Variants in NR3C1 observed in about 807,000 individuals in gnomAD.
The protein encoded by NR3C1 is glucocorticoid receptor.
In NR3C1, 14 loss-of-function variants were observed where a neutral mutation model predicts 74.0. That is an observed-to-expected ratio of 0.19 (90% CI 0.12 to 0.30). The LOEUF is 0.30. Ranked by LOEUF, NR3C1 falls within the 10% of genes least tolerant of loss-of-function variation. The pLI is 1.00. For synonymous variants in NR3C1, 308 were observed against 332.5 expected (o/e 0.93, Z 0.80); for missense variants, 695 against 909.8 (o/e 0.76, Z 3.04).
At chr5:143,408,881 T>G (rs1413169809) in intron 1 of NR3C1, 2 of 152,226 alleles carry the variant, frequency 1.3e-5, no homozygotes, top group African/African-American at 4.8e-5. Context: ...CACACCAGTC[T>G]TTTAAAATTG....
At chr5:143,387,503 T>C (rs917576258) in intron 2 of NR3C1, among the ~76,000 whole-genome samples, 3 of 152,210 alleles carry the variant, frequency 2.0e-5, no homozygotes, top group Non-Finnish European at 4.4e-5. Flanking sequence ...TGTTGTCTCC[T>C]AATTCTTCAG....
chr5:143,317,840 C>A (rs896802643), intron 2 of NR3C1, among the ~76,000 whole-genome samples: 1 of 152,116 alleles, frequency 6.6e-6, no homozygotes, highest in Non-Finnish European at 1.5e-5. Context: ...GATCCAGTAT[C>A]ATGCTACAAA....
intron 1 of NR3C1, among the ~76,000 whole-genome samples, chr5:143,427,984 T>A (rs1289480453): frequency 6.6e-6 from 1 of 152,250 alleles, no homozygotes; most frequent in Non-Finnish European, 1.5e-5. Flanking sequence ...CTAATATAAG[T>A]ATGTCTATGA....
At chr5:143,414,523 G>A (rs914857003) in intron 1 of NR3C1, among the ~76,000 whole-genome samples, 1 of 152,154 alleles carries the variant, frequency 6.6e-6, no homozygotes, top group Non-Finnish European at 1.5e-5. Context: ...ATGATGTCCA[G>A]CATATTTTTA....
chr5:143,334,001 T>C (rs183794523), intron 2 of NR3C1, among the ~76,000 whole-genome samples: 9 of 152,344 alleles, frequency 5.9e-5, no homozygotes, highest in African/African-American at 2.2e-4. Flanking sequence ...GCATGCGTTT[T>C]GTTGTTTTGG....
chr5:143,419,640 C>T (rs1024105379), intron 1 of NR3C1, among the ~76,000 whole-genome samples: 3 of 152,020 alleles, frequency 2.0e-5, no homozygotes, highest in East Asian at 1.9e-4. Flanking sequence ...AGGGAATGTA[C>T]GAATAGGTGT....
chr5:143,375,159 G>A (rs183148994), intron 2 of NR3C1, among the ~76,000 whole-genome samples: 15 of 152,182 alleles, frequency 9.9e-5, no homozygotes, highest in Admixed American at 9.2e-4. Flanking sequence ...GGAAGTTTTC[G>A]GGAATTTTAT....
rs192089922 is a variant in NR3C1, at chr5:143,302,358, A to C, written c.1469-1595T>G. The stretch of plus-strand genomic sequence containing the variant: ...ATAGAGGAGTGATAAAATTTTAAAA[A>C]GGAAAGACACCAATACATAAAGAAA... On this transcript the variant is annotated intron_variant, in intron 4 of 8. Transcript: ENST00000394464. Among the ~76,000 whole-genome samples the C allele has an allele frequency of 2.6e-5, 4 of 152,262 alleles. No individual in the cohort carries two copies. In the East Asian group the frequency reaches 5.8e-4, roughly 22 times the overall value.
At chr5:143,375,752 T>C (rs1252636537) in intron 2 of NR3C1, 3 of 152,182 alleles carry the variant, frequency 2.0e-5, no homozygotes, top group African/African-American at 7.2e-5. Flanking sequence ...GAAATCTACT[T>C]CCCTGAAGAC....
intron 1 of NR3C1, among the ~76,000 whole-genome samples, chr5:143,429,833 A>C (rs1358834718): frequency 2.0e-5 from 3 of 152,160 alleles, no homozygotes; most frequent in Non-Finnish European, 2.9e-5. Flanking sequence ...TAATTCCAGC[A>C]CTTTGGGAGG....
intron 1 of NR3C1, among the ~76,000 whole-genome samples, chr5:143,418,002 G>A (rs1010827825): frequency 3.3e-5 from 5 of 152,126 alleles, no homozygotes; most frequent in Admixed American, 1.3e-4. Flanking sequence ...CATTGATCAC[G>A]TGCTCTTTAA....
At position 143,393,803 on chromosome 5, in the gene NR3C1, T is replaced by A. The variant is rs61751248; in HGVS notation, c.1184+5853A>T. On this transcript the variant is annotated intron_variant, in intron 2 of 8. Transcript: ENST00000394464. ...TAGCTTTCAAAATTTGGCTATCAAA[T>A]ATACTTTCATAATAGCCACAGCTAA... is the stretch of plus-strand genomic sequence containing the variant. Among the ~76,000 whole-genome samples, 1,175 of 152,184 alleles carry A rather than the reference T, an allele frequency of 7.7e-3. 8 individuals carry two copies. Among genetic ancestry groups the A allele is most frequent in the African/African-American group, 0.027 (1,113 of 41,560 alleles).
At chr5:143,290,838 A>G (rs1304572084) in intron 7 of NR3C1, among the ~76,000 whole-genome samples, 1 of 150,020 alleles carries the variant, frequency 6.7e-6, no homozygotes, top group Non-Finnish European at 1.5e-5. Context: ...CTGGGATTAT[A>G]GGTGTGAGCC....
Position 143,281,483 on chromosome 5 carries a change from G to C in NR3C1, c.*406C>G, listed in dbSNP as rs966524860. On this transcript the variant is annotated 3_prime_UTR_variant, in exon 9 of 9. Transcript: ENST00000394464. ...AAAATGCTATCCTAACTATACAGGG[G>C]GGGGATACACCAACAGAAAGTCTAG... The C allele has an allele frequency of 2.2e-5, 5 of 228,970 alleles. No individual in the cohort carries two copies. Among genetic ancestry groups the C allele is most frequent in the African/African-American group, 9.4e-5 (4 of 42,710 alleles). The allele number at this position is 228,970 out of a possible 1,614,324, so 14.2% of individuals were successfully genotyped here.
intron 4 of NR3C1, among the ~76,000 whole-genome samples, chr5:143,304,577 C>A (rs1030389957): frequency 6.6e-6 from 1 of 152,024 alleles, no homozygotes; most frequent in African/African-American, 2.4e-5. Flanking sequence ...TCCTATGGAA[C>A]CAAAAAATGC....
In NR3C1 at chr5:143,403,472, C is replaced by T. The variant is rs61759014; in HGVS notation, c.-275G>A. 87 of 985,028 alleles carry T rather than the reference C, an allele frequency of 8.8e-5. No individual in the cohort carries two copies. Among genetic ancestry groups the T allele is most frequent in the Admixed American group, 1.2e-4 (2 of 16,244 alleles). 61.0% of individuals were successfully genotyped at this position (985,028 alleles called of 1,614,324 possible). ...GAGGTTCCGGGCGCGCGTGCCCCGT[C>T]CCGGTCCCAGCTGCTTCGGCCGCTC... On this transcript the variant is annotated 5_prime_UTR_variant, in exon 1 of 9. Transcript: ENST00000394464.
chr5:143,285,791 T>G (rs1814281446), intron 7 of NR3C1, among the ~76,000 whole-genome samples: 1 of 152,052 alleles, frequency 6.6e-6, no homozygotes, highest in African/African-American at 2.4e-5. Flanking sequence ...TTAAAAGCTT[T>G]GATTAGAAAA....
At chr5:143,343,849 T>C (rs181078223) in intron 2 of NR3C1, among the ~76,000 whole-genome samples, 2 of 152,328 alleles carry the variant, frequency 1.3e-5, no homozygotes, top group East Asian at 3.9e-4. Context: ...CCTCTATCAC[T>C]ATGCTCTTTC....
intron 1 of NR3C1, chr5:143,401,469 T>C (rs1431934532): frequency 6.4e-6 from 1 of 155,770 alleles, no homozygotes; most frequent in Non-Finnish European, 1.4e-5. Flanking sequence ...TCCGACAGGC[T>C]GGGAAAAGGC....
Sources: allele counts gnomAD v4.1 joint callset (sites outside exome capture counted in the v4.1 genomes callset), GRCh38; gene constraint gnomAD v4.1.1; transcripts MANE v1.5; gene names NCBI Gene and HGNC (gene_info 2026-07-23, HGNC 2026-07-21).